TMEM63A: variants seen among roughly 807,000 people sequenced by gnomAD.
The protein encoded by TMEM63A is mechanosensitive cation channel TMEM63A.
TMEM63A carries 76 observed loss-of-function variants against 100.6 expected under a neutral mutation model. The observed-to-expected ratio is 0.76, with a 90% CI of 0.63 to 0.91. The LOEUF (loss-of-function observed/expected upper bound fraction) is 0.91. Ranked by LOEUF, TMEM63A falls within the 40% of genes least tolerant of loss-of-function variation. The pLI is 0.00. For missense variants in TMEM63A, 876 were observed against 1,008.8 expected (o/e 0.87, Z 1.78); for synonymous variants, 401 against 401.1 (o/e 1.00, Z 0.00).
chr1:225,860,504 T>C (rs929323323), intron 14 of TMEM63A: 8 of 179,216 alleles, frequency 4.5e-5, no homozygotes, highest in African/African-American at 1.6e-4. Flanking sequence ...TTTTCAAAAA[T>C]TGCATGTTGA....
At position 225,845,740 on chromosome 1, in the gene TMEM63A, A is replaced by G; in HGVS notation, c.*1199T>C. On this transcript the variant is annotated 3_prime_UTR_variant, in exon 25 of 25. Coordinates refer to ENST00000366835, the MANE Select transcript of TMEM63A (RefSeq NM_014698.3). Reference sequence around the variant, plus strand: ...GCACCGCCCCCACCCCTCCCAGCGCAGGGGCAGCTTGGAGCAGAGGCAGCA... The same window carrying G: ...GCACCGCCCCCACCCCTCCCAGCGCGGGGGCAGCTTGGAGCAGAGGCAGCA... 1 of 335,748 alleles carries G rather than the reference A, an allele frequency of 3.0e-6. No homozygotes were observed. The highest frequency in any genetic ancestry group is 5.7e-6 in the Non-Finnish European group (1 of 176,498). 20.8% of individuals were successfully genotyped at this position (335,748 alleles called of 1,614,324 possible). A position where few individuals can be genotyped will look rare whatever the true frequency, so the allele number is the denominator to read the frequency against.
chr1:225,873,542 C>A (rs1670627183), intron 4 of TMEM63A, among the ~76,000 whole-genome samples: 1 of 152,160 alleles, frequency 6.6e-6, no homozygotes, highest in African/African-American at 2.4e-5. Context: ...CCACATCTGA[C>A]ACAAGATCCT....
chr1:225,875,205 G>A (rs564532333), intron 3 of TMEM63A, among the ~76,000 whole-genome samples: 31 of 152,340 alleles, frequency 2.0e-4, no homozygotes, highest in African/African-American at 7.5e-4. Context: ...GAGAACCTGT[G>A]CTCGGGCTGG....
chr1:225,875,022 C>T (rs1340437752), intron 3 of TMEM63A, among the ~76,000 whole-genome samples: 1 of 152,232 alleles, frequency 6.6e-6, no homozygotes, highest in Non-Finnish European at 1.5e-5. Flanking sequence ...GCGTGAGCCA[C>T]CATGCTGGCC....
At position 225,847,138 on chromosome 1, in the gene TMEM63A, T is replaced by TCTGCTGCTG. The variant is rs750876984; in HGVS notation, c.2317_2325dup (p.Gln773_Gln775dup). The TCTGCTGCTG allele has an allele frequency of 6.6e-4, 1,061 of 1,612,012 alleles. No homozygotes were observed. The highest frequency in any genetic ancestry group is 8.8e-4 in the Non-Finnish European group (1,036 of 1,178,994). On this transcript the variant is annotated inframe_insertion, in exon 24 of 25. Coordinates refer to ENST00000366835, the MANE Select transcript of TMEM63A (RefSeq NM_014698.3). Reference sequence around the variant, plus strand: ...CTGATGTTGTGGATGGCACCATAGGTCTGCTGCTGCTGCTGCTGCGGAGAC... The same window carrying TCTGCTGCTG: ...CTGATGTTGTGGATGGCACCATAGGTCTGCTGCTGCTGCTGCTGCTGCTGCTGCGGAGAC...
In TMEM63A at chr1:225,872,027, G is replaced by C. The variant is rs370710498; in HGVS notation, c.293C>G (p.Ser98Trp). The C allele has an allele frequency of 6.2e-7, 1 of 1,612,064 alleles. No individual in the cohort carries two copies. The highest frequency in any genetic ancestry group is 1.7e-4 in the Middle Eastern group (1 of 6,056). Residue 98 changes from serine to tryptophan, a missense_variant, in exon 5 of 25, where the codon TCG becomes TGG. Ser to Trp is a radical substitution (Grantham distance 177). Coordinates refer to ENST00000366835, the MANE Select transcript of TMEM63A (RefSeq NM_014698.3). ...GTCTTGTTGACCTGAGGAGGAAGTCGATGACAATCTCTGAAATCTGGACTC... is the reference window on the plus strand; with the variant it reads ...GTCTTGTTGACCTGAGGAGGAAGTCCATGACAATCTCTGAAATCTGGACTC... Reference protein sequence around the residue: ...DSESRFQRLSSTSSSGQQDFE... With the variant: ...DSESRFQRLSWTSSSGQQDFE...
intron 14 of TMEM63A, 131 bp from the exon 15 acceptor site, chr1:225,859,480 CT>C: frequency 9.0e-7 from 1 of 1,111,084 alleles, no homozygotes; most frequent in Non-Finnish European, 1.3e-6. Context: ...TGACCTTCAA[CT>C]ACAGAAAGAC....
At chr1:225,871,866 G>A (rs948288522) in intron 5 of TMEM63A, 121 bp downstream of exon 5, 5 of 720,586 alleles carry the variant, frequency 6.9e-6, no homozygotes, top group East Asian at 2.7e-5. Context: ...TGCCTTCGTC[G>A]ATGCAGAAAA....
chr1:225,850,081 T>C lies in TMEM63A; in HGVS notation c.1904-2A>G, dbSNP rs995000803. ...GCTTGAGCAGGATGTAGATGAGGCC[T>C]GCAGGGGATGGGGCTGTGAGCTGGA... On this transcript the variant is annotated splice_acceptor_variant, in intron 20 of 24. Transcript: ENST00000366835. LOFTEE classifies it high-confidence loss of function. 3.1e-6 allele frequency: 5 copies of C among 1,613,904 alleles called. No individual in the cohort carries two copies. The highest frequency in any genetic ancestry group is 4.5e-5 in the East Asian group (2 of 44,866).
chr1:225,855,040 G>A (rs1031448030), intron 18 of TMEM63A, among the ~76,000 whole-genome samples: 1 of 152,206 alleles, frequency 6.6e-6, no homozygotes, highest in African/African-American at 2.4e-5. Flanking sequence ...ACTATTGCTG[G>A]CTGTATGTAT....
downstream of TMEM63A, chr1:225,845,484 C>T (rs922890027): frequency 1.2e-6 from 1 of 841,154 alleles, no homozygotes; most frequent in Non-Finnish European, 1.9e-6. Flanking sequence ...CACCCCCTCA[C>T]CCCTCCAAGC....
intron 21 of TMEM63A, among the ~76,000 whole-genome samples, chr1:225,849,340 G>C (rs1669201356): frequency 6.6e-6 from 1 of 152,162 alleles, no homozygotes; most frequent in African/African-American, 2.4e-5. Context: ...CCCTGGGCTA[G>C]AGAGGATGGA....
chr1:225,847,584 C>T (rs1204722062), intron 23 of TMEM63A: 4 of 175,420 alleles, frequency 2.3e-5, no homozygotes, highest in Non-Finnish European at 3.6e-5. Flanking sequence ...GGATGCTCAA[C>T]ATATCTGTGT....
chr1:225,873,533 C>T (rs1397352004), intron 4 of TMEM63A, among the ~76,000 whole-genome samples: 1 of 152,086 alleles, frequency 6.6e-6, no homozygotes, highest in Non-Finnish European at 1.5e-5. Flanking sequence ...TTCCTATTAC[C>T]ACATCTGACA....
chr1:225,860,848 C>A lies in TMEM63A; in HGVS notation c.1223+12G>T. 6.2e-7 allele frequency: 1 copy of A among 1,603,334 alleles called. No homozygotes were observed. The highest frequency in any genetic ancestry group is 1.1e-5 in the South Asian group (1 of 89,510). ...GGCCTCTCTCCCACCTCTCCTTGGTCTAGGAGCTTACCAGCAGATGTCCTC... is the reference window on the plus strand; with the variant it reads ...GGCCTCTCTCCCACCTCTCCTTGGTATAGGAGCTTACCAGCAGATGTCCTC... On this transcript the variant is annotated intron_variant, in intron 14 of 24. Transcript: ENST00000366835.
chr1:225,849,422 C>A (rs113677999), intron 21 of TMEM63A, among the ~76,000 whole-genome samples: 1 of 152,332 alleles, frequency 6.6e-6, no homozygotes, highest in African/African-American at 2.4e-5. Flanking sequence ...CTCTCCTCCA[C>A]GTCCCCACCT....
intron 6 of TMEM63A, among the ~76,000 whole-genome samples, chr1:225,869,749 G>A (rs1033037761): frequency 7.0e-5 from 10 of 143,376 alleles, no homozygotes; most frequent in Non-Finnish European, 1.0e-4. Context: ...TGCGACCTCC[G>A]CCTTCCGGTT....
At position 225,867,826 on chromosome 1, in the gene TMEM63A, C is replaced by A. The variant is rs1446579978; in HGVS notation, c.514+62G>T. 19 of 1,603,786 alleles carry A rather than the reference C, an allele frequency of 1.2e-5. No individual in the cohort carries two copies. Among genetic ancestry groups the A allele is most frequent in the Non-Finnish European group, 1.6e-5 (19 of 1,174,070 alleles). ...GGGTTCTGGTCTACCACAGTGAGCC[C>A]TTTCCCTAGGACTGCCACTCTGCCC... On this transcript the variant is annotated intron_variant, in intron 7 of 24. Transcript: ENST00000366835. The surrounding 1 kb of genome is among the most constrained non-coding windows in gnomAD (Gnocchi z 4.6).
chr1:225,850,153 G>T (rs1669248265), intron 20 of TMEM63A, 74 bp from the exon 21 acceptor site: 5 of 1,558,294 alleles, frequency 3.2e-6, no homozygotes, highest in Non-Finnish European at 3.5e-6. Flanking sequence ...CCTCTCCGGG[G>T]CGGCTATTTT....
Sources: allele counts gnomAD v4.1 joint callset (sites outside exome capture counted in the v4.1 genomes callset), GRCh38; gene constraint gnomAD v4.1.1; non-coding constraint Gnocchi (gnomAD v3.1); transcripts MANE v1.5; gene names NCBI Gene and HGNC (gene_info 2026-07-23, HGNC 2026-07-21).